The following PLEKHD1 variants were observed in gnomAD, a reference collection of about 807,000 sequenced individuals.
PLEKHD1 encodes the protein pleckstrin homology and coiled-coil domain containing D1.
A neutral mutation model predicts 69.2 loss-of-function variants in PLEKHD1; 51 were observed. That is an observed-to-expected ratio of 0.74 (90% confidence interval 0.59 to 0.93). The LOEUF (loss-of-function observed/expected upper bound fraction) is 0.93. PLEKHD1 is among the 40% of genes least tolerant of loss of function. PLEKHD1 has a pLI of 0.00. For missense variants in PLEKHD1, 584 were observed against 641.0 expected (o/e 0.91, Z 0.96); for synonymous variants, 236 against 244.7 (o/e 0.96, Z 0.33).
chr14:69,486,192 A>T (rs571618313), intron 1 of PLEKHD1, among the ~76,000 whole-genome samples: 1 of 152,246 alleles, frequency 6.6e-6, no homozygotes, highest in South Asian at 2.1e-4. Context: ...CCCTGAGCAG[A>T]GGGGGCCTCC....
intron 1 of PLEKHD1, among the ~76,000 whole-genome samples, chr14:69,486,075 G>C (rs1044411227): frequency 6.6e-6 from 1 of 152,136 alleles, no homozygotes; most frequent in Non-Finnish European, 1.5e-5. Flanking sequence ...TACTGGTATG[G>C]CCTGGAGAAT....
the PLEKHD1 span, among the ~76,000 whole-genome samples, chr14:69,474,886 C>T: frequency 6.6e-6 from 1 of 152,102 alleles, no homozygotes; most frequent in African/African-American, 2.4e-5. Flanking sequence ...TTGGAGATCT[C>T]GTTCTGTCAT....
At chr14:69,471,630 C>T in the PLEKHD1 span, among the ~76,000 whole-genome samples, 6 of 152,114 alleles carry the variant, frequency 3.9e-5, no homozygotes, top group Non-Finnish European at 5.9e-5. Flanking sequence ...GACTGGGCAT[C>T]GCAGGGGCTG....
the PLEKHD1 span, among the ~76,000 whole-genome samples, chr14:69,471,618 A>T: frequency 6.6e-6 from 1 of 152,192 alleles, no homozygotes; most frequent in Non-Finnish European, 1.5e-5. Flanking sequence ...TTTCTCATTC[A>T]GGACTGGGCA....
chr14:69,492,261 A>C (rs939220995), intron 1 of PLEKHD1, among the ~76,000 whole-genome samples: 2 of 152,162 alleles, frequency 1.3e-5, no homozygotes, highest in Non-Finnish European at 2.9e-5. Context: ...GATCTCTCCC[A>C]CTTCCATTTC....
In PLEKHD1 at chr14:69,527,796, G is replaced by A; in HGVS notation, c.1215G>A (p.Glu405=). 6.4e-7 allele frequency: 1 copy of A among 1,551,506 alleles called. No individual in the cohort carries two copies. The highest frequency in any genetic ancestry group is 8.7e-7 in the Non-Finnish European group (1 of 1,147,006). ...DVSHLKRFFE[E]CIRNAELEAK... The stretch of plus-strand genomic sequence containing the variant: ...CTGCCGCCACAGGGTTCTTTGAGGA[G>A]TGCATCCGGAATGCCGAGCTGGAGG... Residue 405 remains glutamate, a synonymous_variant, in exon 12 of 13, where the codon GAG becomes GAA. Coordinates refer to ENST00000322564, the MANE Select transcript of PLEKHD1 (RefSeq NM_001161498.2).
chr14:69,519,124 A>G (rs1235083247), intron 6 of PLEKHD1, among the ~76,000 whole-genome samples: 5 of 152,182 alleles, frequency 3.3e-5, no homozygotes, highest in African/African-American at 1.2e-4. Context: ...ATTTTGCTCC[A>G]TAAATGAAAT....
chr14:69,484,444 C>T (rs566884325), upstream of PLEKHD1, among the ~76,000 whole-genome samples: 3 of 152,240 alleles, frequency 2.0e-5, no homozygotes, highest in South Asian at 6.2e-4. Flanking sequence ...CGCTGCTCGC[C>T]GAGAGGGACC....
At chr14:69,481,660 C>A (rs960860537), upstream of PLEKHD1, among the ~76,000 whole-genome samples, 2 of 152,174 alleles carry the variant, frequency 1.3e-5, no homozygotes, top group East Asian at 3.8e-4. Flanking sequence ...GTAGACAACG[C>A]TTTTGAACTT....
At position 69,493,857 on chromosome 14, in the gene PLEKHD1, C is replaced by G. The variant is rs1594975250; in HGVS notation, c.150-6258C>G. 2.6e-5 allele frequency among the ~76,000 whole-genome samples: 4 copies of G among 152,352 alleles called. No homozygotes were observed. The South Asian group carries it at 8.3e-4, about 32-fold the overall frequency. Reference sequence around the variant, plus strand: ...CGGGCTTCACCCCAACACATGGGGACAGAAAAGGGCCAGAGCTGATGGGCA... The same window carrying G: ...CGGGCTTCACCCCAACACATGGGGAGAGAAAAGGGCCAGAGCTGATGGGCA... On this transcript the variant is annotated intron_variant, in intron 1 of 12. Transcript: ENST00000322564.
At chr14:69,473,951 G>T in the PLEKHD1 span, among the ~76,000 whole-genome samples, 1 of 152,156 alleles carries the variant, frequency 6.6e-6, no homozygotes, top group African/African-American at 2.4e-5. Context: ...GGTGTTTGCT[G>T]GGCTAGGGGC....
At chr14:69,499,849 C>T (rs1378810085) in intron 1 of PLEKHD1, among the ~76,000 whole-genome samples, 2 of 152,124 alleles carry the variant, frequency 1.3e-5, no homozygotes, top group Admixed American at 6.5e-5. Context: ...GGTGGTTCAG[C>T]GGGACAGAGG....
intron 6 of PLEKHD1, among the ~76,000 whole-genome samples, chr14:69,511,249 C>T (rs1033501724): frequency 6.6e-6 from 1 of 152,202 alleles, no homozygotes; most frequent in Non-Finnish European, 1.5e-5. Context: ...ACCTCTGCCT[C>T]CTGGGTTCAA....
intron 1 of PLEKHD1, among the ~76,000 whole-genome samples, chr14:69,489,558 CAAAAAAAAAAAAA>C (rs1166429791): frequency 1.3e-3 from 80 of 59,898 alleles, no homozygotes; most frequent in Admixed American, 1.6e-3. Context: ...TACTCCATCT[CAAAAAAAAAAAAA>C]AAAAAAAAAA....
chr14:69,475,374 G>T, the PLEKHD1 span, among the ~76,000 whole-genome samples: 1 of 152,228 alleles, frequency 6.6e-6, no homozygotes, highest in Non-Finnish European at 1.5e-5. Context: ...TGCTGAGTGT[G>T]CTGCCCACAG....
chr14:69,527,462 T>G, intron 11 of PLEKHD1, 130 bp downstream of exon 11: 3 of 1,336,342 alleles, frequency 2.2e-6, no homozygotes, highest in Non-Finnish European at 3.1e-6. Flanking sequence ...ATTGAAGGGT[T>G]TCTTCTCCAG....
upstream of PLEKHD1, among the ~76,000 whole-genome samples, chr14:69,480,046 A>G (rs1480599207): frequency 6.6e-6 from 1 of 152,240 alleles, no homozygotes; most frequent in African/African-American, 2.4e-5. Context: ...AAGGACCTCC[A>G]AGTTTGAAAG....
At chr14:69,490,864 A>G (rs565652889) in intron 1 of PLEKHD1, among the ~76,000 whole-genome samples, 1 of 152,312 alleles carries the variant, frequency 6.6e-6, no homozygotes, top group South Asian at 2.1e-4. Context: ...AGCCATTCTC[A>G]GTATCCAGGA....
chr14:69,490,581 A>C, intron 1 of PLEKHD1, among the ~76,000 whole-genome samples: 1 of 152,292 alleles, frequency 6.6e-6, no homozygotes, highest in South Asian at 2.1e-4. Flanking sequence ...AGGGGGACTA[A>C]GTTTTTTGAG....
Sources: gnomAD v4.1 joint callset for allele counts (sites outside exome capture counted in the v4.1 genomes callset) on GRCh38, gnomAD v4.1.1 for gene constraint, MANE v1.5 for transcripts, NCBI Gene and HGNC (gene_info 2026-07-23, HGNC 2026-07-21) for gene names.